The following GALNT17 variants were observed in gnomAD, a reference collection of about 807,000 sequenced individuals.
GALNT17 encodes the protein polypeptide N-acetylgalactosaminyltransferase 17.
In GALNT17, 29 loss-of-function variants were observed where a neutral mutation model predicts 63.7. The ratio of observed to expected loss-of-function variants is 0.46; its 90% CI spans 0.34 to 0.62. The LOEUF (loss-of-function observed/expected upper bound fraction) is 0.62, where lower values mean the gene tolerates loss of function less well. Among genes scored for constraint, GALNT17 ranks in the 20% least tolerant of loss-of-function variants. The probability of loss-of-function intolerance (pLI) is 0.01; values close to 1 mark genes in which losing one functional copy is unlikely to be tolerated. For synonymous variants in GALNT17, 305 were observed against 318.3 expected, an observed-to-expected ratio of 0.96 and a Z score of 0.45; for missense variants, 603 against 799.6, an observed-to-expected ratio of 0.75 and a Z score of 2.97.
At chr7:71,356,601 CTCT>C (rs1177531538) in intron 2 of GALNT17, among the ~76,000 whole-genome samples, 1 of 152,110 alleles carries the variant, frequency 6.6e-6, no homozygotes, top group Non-Finnish European at 1.5e-5. Context: ...GCAGGGAACT[CTCT>C]TGAGAACTCA....
chr7:71,266,141 C>T (rs1182873115), intron 1 of GALNT17, among the ~76,000 whole-genome samples: 2 of 152,122 alleles, frequency 1.3e-5, no homozygotes, highest in Non-Finnish European at 2.9e-5. Context: ...TTTGATCCTC[C>T]TGTATACCTC....
chr7:71,695,151 C>T (rs1168988885), intron 9 of GALNT17, among the ~76,000 whole-genome samples: 1 of 152,176 alleles, frequency 6.6e-6, no homozygotes, highest in Non-Finnish European at 1.5e-5. Context: ...CTCTCTCACC[C>T]AGCTCTTCCA....
intron 9 of GALNT17, among the ~76,000 whole-genome samples, chr7:71,692,374 G>C (rs930333839): frequency 6.6e-6 from 1 of 152,184 alleles, no homozygotes; most frequent in South Asian, 2.1e-4. Context: ...ATATTGATTT[G>C]TTAGGCTGTC....
At chr7:71,393,126 T>G (rs998258540) in intron 3 of GALNT17, among the ~76,000 whole-genome samples, 1 of 152,224 alleles carries the variant, frequency 6.6e-6, no homozygotes, top group African/African-American at 2.4e-5. Context: ...TGTTGTCAGT[T>G]TCTTTGGCAA....
intron 2 of GALNT17, among the ~76,000 whole-genome samples, chr7:71,374,380 G>A (rs775849077): frequency 6.6e-6 from 1 of 152,206 alleles, no homozygotes; most frequent in Non-Finnish European, 1.5e-5. Flanking sequence ...CAGCCAGAAC[G>A]GCTGGGCTCA....
chr7:71,505,378 C>T (rs1435697882), intron 5 of GALNT17, among the ~76,000 whole-genome samples: 1 of 152,044 alleles, frequency 6.6e-6, no homozygotes, highest in Non-Finnish European at 1.5e-5. Flanking sequence ...GTGGGAGGAT[C>T]ACTTGAGGCC....
At chr7:71,177,589 T>C (rs947496899) in intron 1 of GALNT17, among the ~76,000 whole-genome samples, 3 of 152,060 alleles carry the variant, frequency 2.0e-5, no homozygotes, top group Non-Finnish European at 4.4e-5. Context: ...AGAGCTGCAC[T>C]CTGAATGTTA....
intron 1 of GALNT17, among the ~76,000 whole-genome samples, chr7:71,181,495 A>C (rs147982338): frequency 5.9e-5 from 9 of 152,150 alleles, no homozygotes; most frequent in Non-Finnish European, 8.8e-5. Context: ...GAAACAAATT[A>C]GCTGGTGATG....
At chr7:71,140,733 TAAG>T (rs1036889421) in intron 1 of GALNT17, among the ~76,000 whole-genome samples, 1 of 152,012 alleles carries the variant, frequency 6.6e-6, no homozygotes, top group Non-Finnish European at 1.5e-5. Context: ...TAAGAATATA[TAAG>T]AAGAACCAGG....
intron 1 of GALNT17, among the ~76,000 whole-genome samples, chr7:71,142,301 C>G (rs1787929275): frequency 1.3e-5 from 2 of 152,152 alleles, no homozygotes; most frequent in South Asian, 4.1e-4. Context: ...CTTTCTTGGA[C>G]TCTTCAGACT....
chr7:71,474,333 C>T (rs1195744226), intron 5 of GALNT17, among the ~76,000 whole-genome samples: 1 of 152,128 alleles, frequency 6.6e-6, no homozygotes, highest in Non-Finnish European at 1.5e-5. Flanking sequence ...CTTGTGCTCA[C>T]CTCCCATCTC....
At chr7:71,427,181 G>T (rs986676200) in intron 5 of GALNT17, among the ~76,000 whole-genome samples, 3 of 150,886 alleles carry the variant, frequency 2.0e-5, no homozygotes, top group Non-Finnish European at 4.4e-5. Flanking sequence ...CCAGGTTGAA[G>T]CGATTCTCTT....
At chr7:71,484,650 T>A (rs1464654428) in intron 5 of GALNT17, among the ~76,000 whole-genome samples, 1 of 152,178 alleles carries the variant, frequency 6.6e-6, no homozygotes, top group African/African-American at 2.4e-5. Context: ...TTCAGCTACA[T>A]TATAATCCTG....
intron 1 of GALNT17, among the ~76,000 whole-genome samples, chr7:71,279,932 C>T (rs73354290): frequency 0.015 from 2,270 of 152,008 alleles, 47 homozygotes; most frequent in African/African-American, 0.053. Flanking sequence ...AATAATCTTC[C>T]GGCCCACTAA....
At chr7:71,401,569 G>A (rs185888415) in intron 3 of GALNT17, among the ~76,000 whole-genome samples, 8 of 152,228 alleles carry the variant, frequency 5.3e-5, no homozygotes, top group Admixed American at 2.0e-4. Context: ...GCAAAACTTC[G>A]TCTGTATTTA....
intron 1 of GALNT17, among the ~76,000 whole-genome samples, chr7:71,175,647 A>G (rs1283857802): frequency 2.0e-5 from 3 of 152,114 alleles, no homozygotes; most frequent in African/African-American, 7.2e-5. Flanking sequence ...AAATTTGGCA[A>G]CTGGGCTGGA....
chr7:71,184,094 A>G (rs1299150759), intron 1 of GALNT17, among the ~76,000 whole-genome samples: 2 of 152,158 alleles, frequency 1.3e-5, no homozygotes, highest in Non-Finnish European at 2.9e-5. Context: ...TTATAAAAAG[A>G]GGAGATTAGG....
intron 1 of GALNT17, among the ~76,000 whole-genome samples, chr7:71,164,294 A>C (rs540969932): frequency 1.3e-5 from 2 of 152,358 alleles, no homozygotes; most frequent in Non-Finnish European, 2.9e-5. Flanking sequence ...TCATGGTGGA[A>C]GCTGAAGGGG....
chr7:71,350,995 GC>G (rs76042594), intron 2 of GALNT17, among the ~76,000 whole-genome samples: 6,476 of 152,214 alleles, frequency 0.043, 235 homozygotes, highest in East Asian at 0.11. Flanking sequence ...ACAAAAATTA[GC>G]TGGGCATAGT....
Sources: gnomAD v4.1 joint callset for allele counts (sites outside exome capture counted in the v4.1 genomes callset) on GRCh38, gnomAD v4.1.1 for gene constraint, MANE v1.5 for transcripts, NCBI Gene and HGNC (gene_info 2026-07-23, HGNC 2026-07-21) for gene names.